OR7A5: variants seen among roughly 807,000 people sequenced by gnomAD.
The protein encoded by OR7A5 is olfactory receptor family 7 subfamily A member 5, also known as olfactory receptor 7A5.
For synonymous variants in OR7A5, 140 were observed against 146.7 expected (o/e 0.95, Z 0.33); for missense variants, 319 against 377.9 (o/e 0.84, Z 1.29).
At position 14,827,405 on chromosome 19, in the gene OR7A5, A is replaced by T; in HGVS notation, c.837T>A (p.Thr279=). ...AGGGGTTCAGCATGGGGGTGACCAC[A>T]GTGTACATCACTGAGGCTGTTGCAC... is the stretch of plus-strand genomic sequence containing the variant. ...HSSATASVMY[T]VVTPMLNPFI... Residue 279 remains threonine, a synonymous_variant, in exon 2 of 2, where the codon ACT becomes ACA. Transcript: ENST00000322301. 2 of 1,614,130 alleles carry T rather than the reference A, an allele frequency of 1.2e-6. No individual in the cohort carries two copies. The highest frequency in any genetic ancestry group is 1.7e-6 in the Non-Finnish European group (2 of 1,180,002).
Position 14,828,065 on chromosome 19 carries a change from C to T in OR7A5, c.177G>A (p.Met59Ile). ...TISDSHLHTP[M>I]YFFLSNLSFA... Reference sequence around the variant, plus strand: ...AGGACAGGTTGGAGAGGAAGAAGTACATGGGGGTGTGGAGGTGGGAGTCTG... The same window carrying T: ...AGGACAGGTTGGAGAGGAAGAAGTATATGGGGGTGTGGAGGTGGGAGTCTG... The change falls in exon 2 of 2, where the codon ATG becomes ATA. Residue 59 changes from methionine to isoleucine, a missense_variant. By Grantham distance (10) the Met-to-Ile change is conservative. Transcript: ENST00000322301. 1.2e-6 allele frequency: 2 copies of T among 1,614,080 alleles called. No homozygotes were observed. The highest frequency in any genetic ancestry group is 1.7e-6 in the Non-Finnish European group (2 of 1,180,008).
At chr19:14,828,295 A>G (rs989184862) in intron 1 of OR7A5, 41 bp from the exon 2 acceptor site, 42 of 1,535,722 alleles carry the variant, frequency 2.7e-5, no homozygotes, top group Non-Finnish European at 3.6e-5. Flanking sequence ...CGAGACAGGC[A>G]TGCATTGCTA....
intron 1 of OR7A5, among the ~76,000 whole-genome samples, chr19:14,830,595 A>G (rs900501916): frequency 3.9e-5 from 6 of 152,192 alleles, no homozygotes; most frequent in Non-Finnish European, 2.9e-5. Flanking sequence ...GAATTCTGAC[A>G]TCTTTATTGA....
At chr19:14,829,900 G>A (rs1205723310) in intron 1 of OR7A5, among the ~76,000 whole-genome samples, 1 of 152,084 alleles carries the variant, frequency 6.6e-6, no homozygotes, top group African/African-American at 2.4e-5. Flanking sequence ...TGGCCGAAGA[G>A]GGCCCAGGCA....
rs1258154364 is a variant in OR7A5 at position 14,835,152 on chromosome 19, G to GCT, written c.-94_-93dup. 2 of 152,222 alleles carry GCT rather than the reference G, an allele frequency of 1.3e-5. No individual in the cohort carries two copies. The highest frequency in any genetic ancestry group is 2.9e-5 in the Non-Finnish European group (2 of 68,054). The allele number at this position is 152,222 out of a possible 1,614,324, so 9.4% of individuals were successfully genotyped here. ...TGGATGATTGATGGTGGAGACTGAAGCTCTGCTCAGCAGACTAGGCAGCAG... is the reference window on the plus strand; with the variant it reads ...TGGATGATTGATGGTGGAGACTGAAGCTCTCTGCTCAGCAGACTAGGCAGCAG... On this transcript the variant is annotated 5_prime_UTR_variant, in exon 1 of 2. Coordinates refer to ENST00000322301, the MANE Select transcript of OR7A5 (RefSeq NM_017506.2).
chr19:14,832,512 C>T (rs1318808394), intron 1 of OR7A5, among the ~76,000 whole-genome samples: 1 of 151,274 alleles, frequency 6.6e-6, no homozygotes, highest in South Asian at 2.1e-4. Context: ...TGGCAACCTC[C>T]GCCTCCTGGG....
At chr19:14,831,141 C>T (rs186052968) in intron 1 of OR7A5, among the ~76,000 whole-genome samples, 51 of 152,232 alleles carry the variant, frequency 3.4e-4, no homozygotes, top group Admixed American at 1.8e-3. Flanking sequence ...TACATGATGC[C>T]GGCCCCAGAT....
chr19:14,827,140 T>C lies in OR7A5; in HGVS notation c.*142A>G. On this transcript the variant is annotated 3_prime_UTR_variant, in exon 2 of 2. Coordinates refer to ENST00000322301, the MANE Select transcript of OR7A5 (RefSeq NM_017506.2). ...CAGAAAGCTTAATAAAAGGAGTTGC[T>C]TAAATTCTACAAGACCAGTTGAAAT... The C allele has an allele frequency of 1.2e-6, 1 of 828,798 alleles. No individual in the cohort carries two copies. Among genetic ancestry groups the C allele is most frequent in the Non-Finnish European group, 1.7e-6 (1 of 586,696 alleles). The allele number at this position is 828,798 out of a possible 1,614,324, so 51.3% of individuals were successfully genotyped here. A position where few individuals can be genotyped will look rare whatever the true frequency, so the allele number is the denominator to read the frequency against.
At chr19:14,833,411 G>A (rs2044853345) in intron 1 of OR7A5, among the ~76,000 whole-genome samples, 1 of 152,194 alleles carries the variant, frequency 6.6e-6, no homozygotes, top group Non-Finnish European at 1.5e-5. Context: ...TCCAGGAAGC[G>A]AAGGTTGCAG....
Position 14,828,122 on chromosome 19 carries a change from G to T in OR7A5, c.120C>A (p.Leu40=). 1.2e-6 allele frequency: 2 copies of T among 1,614,128 alleles called. No homozygotes were observed. The highest frequency in any genetic ancestry group is 1.7e-6 in the Non-Finnish European group (2 of 1,180,012). ...TGGCCAGGATGATGAGCAGGTTCCC[G>T]AGCACAGTGACCAGGTACATGGACA... ...LFLSMYLVTV[L]GNLLIILATI... is the part of the protein sequence containing the mutation. The change falls in exon 2 of 2, where the codon CTC becomes CTA. Residue 40 remains leucine (L), a synonymous_variant. Transcript: ENST00000322301.
Position 14,827,138 on chromosome 19 carries a change from G to T in OR7A5, c.*144C>A. 5 of 768,136 alleles carry T rather than the reference G, an allele frequency of 6.5e-6. No individual in the cohort carries two copies. The highest frequency in any genetic ancestry group is 3.0e-5 in the Admixed American group (1 of 32,936). 47.6% of individuals were successfully genotyped at this position (768,136 alleles called of 1,614,324 possible). A position where few individuals can be genotyped will look rare whatever the true frequency, so the allele number is the denominator to read the frequency against. ...AGCAGAAAGCTTAATAAAAGGAGTT[G>T]CTTAAATTCTACAAGACCAGTTGAA... On this transcript the variant is annotated 3_prime_UTR_variant, in exon 2 of 2. Coordinates refer to ENST00000322301, the MANE Select transcript of OR7A5 (RefSeq NM_017506.2).
chr19:14,830,577 A>T (rs1191258407), intron 1 of OR7A5, among the ~76,000 whole-genome samples: 1 of 152,218 alleles, frequency 6.6e-6, no homozygotes, highest in Non-Finnish European at 1.5e-5. Context: ...TAAAAGATCA[A>T]AAATAAAGAA....
In OR7A5 at chr19:14,834,339, G is replaced by A. The variant is rs916391198; in HGVS notation, c.-14+735C>T. ...ACCAGGAAGCCAGCAGATATTCCTC[G>A]CCACAGTGTTTCTCAATCTCAGCAC... On this transcript the variant is annotated intron_variant, in intron 1 of 1. Coordinates refer to ENST00000322301, the MANE Select transcript of OR7A5 (RefSeq NM_017506.2). 2.6e-5 allele frequency among the ~76,000 whole-genome samples: 4 copies of A among 152,210 alleles called. No homozygotes were observed. The South Asian group carries it at 6.2e-4, about 24-fold the overall frequency.
At chr19:14,828,424 A>C in intron 1 of OR7A5, 170 bp from the exon 2 acceptor site, 19 of 682,570 alleles carry the variant, frequency 2.8e-5, no homozygotes, top group Non-Finnish European at 4.6e-5. Context: ...ACTCCTTCCC[A>C]CTCTCAGCCT....
rs1451675171 is a variant in OR7A5, at chr19:14,828,086, G to A, written c.156C>T (p.Asp52=). ...NLLIILATIS[D]SHLHTPMYFF... is the part of the protein sequence containing the mutation. ...AGTACATGGGGGTGTGGAGGTGGGA[G>A]TCTGAGATTGTGGCCAGGATGATGA... The change falls in exon 2 of 2, where the codon GAC becomes GAT. Residue 52 remains aspartate (D), a synonymous_variant. Transcript: ENST00000322301. 4 of 1,614,206 alleles carry A rather than the reference G, an allele frequency of 2.5e-6. No individual in the cohort carries two copies. The highest frequency in any genetic ancestry group is 1.3e-5 in the African/African-American group (1 of 75,044).
At chr19:14,834,433 G>A (rs978782903) in intron 1 of OR7A5, among the ~76,000 whole-genome samples, 2 of 152,144 alleles carry the variant, frequency 1.3e-5, no homozygotes, top group African/African-American at 4.8e-5. Flanking sequence ...TTGTTTAGAA[G>A]CATCAAATCA....
In OR7A5 at chr19:14,827,180, A is replaced by G. The variant is rs141664935; in HGVS notation, c.*102T>C. 2.3e-4 allele frequency: 278 copies of G among 1,209,878 alleles called. No individual in the cohort carries two copies. In the East Asian group the frequency reaches 6.8e-3, roughly 29 times the overall value. 74.9% of individuals were successfully genotyped at this position (1,209,878 alleles called of 1,614,324 possible). A position where few individuals can be genotyped will look rare whatever the true frequency, so the allele number is the denominator to read the frequency against. On this transcript the variant is annotated 3_prime_UTR_variant, in exon 2 of 2. Transcript: ENST00000322301. The stretch of plus-strand genomic sequence containing the variant: ...CCAGTTGAAATCACAACAAATTGAA[A>G]CTCCCAGAAATATAATAAGTATTAA...
At chr19:14,830,572 G>C (rs138678219) in intron 1 of OR7A5, among the ~76,000 whole-genome samples, 3 of 152,192 alleles carry the variant, frequency 2.0e-5, no homozygotes, top group South Asian at 4.1e-4. Flanking sequence ...ATAAATAAAA[G>C]ATCAAAAATA....
intron 1 of OR7A5, among the ~76,000 whole-genome samples, chr19:14,833,305 G>A (rs141352647): frequency 5.9e-4 from 90 of 152,224 alleles, no homozygotes; most frequent in African/African-American, 1.1e-3. Context: ...ATGGCGAAAC[G>A]CCATCTCTAC....
Sources: gnomAD v4.1 joint callset for allele counts (sites outside exome capture counted in the v4.1 genomes callset) on GRCh38, gnomAD v4.1.1 for gene constraint, MANE v1.5 for transcripts, NCBI Gene and HGNC (gene_info 2026-07-23, HGNC 2026-07-21) for gene names.